LOC400499: variants seen among roughly 807,000 people sequenced by gnomAD.
chr16:11,440,015 C>T, the LOC400499 span, among the ~76,000 whole-genome samples: 9 of 152,048 alleles, frequency 5.9e-5, no homozygotes, highest in South Asian at 2.1e-4. Context: ...AGTAATTCAC[C>T]GAAGGTTACA....
chr16:11,475,535 G>C, the LOC400499 span: 3 of 397,402 alleles, frequency 7.5e-6, no homozygotes, highest in East Asian at 7.1e-5. Context: ...TAGGGCAGGA[G>C]AGCAACTCTG....
chr16:11,471,866 G>T, the LOC400499 span: 1 of 399,120 alleles, frequency 2.5e-6, no homozygotes, highest in East Asian at 3.6e-5. Flanking sequence ...GACTCAGAGG[G>T]CTCTGGGCAT....
the LOC400499 span, among the ~76,000 whole-genome samples, chr16:11,484,373 T>G: frequency 6.6e-6 from 1 of 152,164 alleles, no homozygotes; most frequent in East Asian, 1.9e-4. Context: ...ATAAGCTTTA[T>G]CATGGTGATG....
the LOC400499 span, chr16:11,446,576 A>G: frequency 2.0e-6 from 3 of 1,535,878 alleles, no homozygotes; most frequent in East Asian, 7.3e-5. Flanking sequence ...GTAACCAGGC[A>G]CCCCTCTGTG....
chr16:11,397,773 T>TGGAGGGATGGAG, the LOC400499 span, among the ~76,000 whole-genome samples: 1 of 34,700 alleles, frequency 2.9e-5, no homozygotes, highest in East Asian at 1.4e-3. Flanking sequence ...GAGGGAGGGA[T>TGGAGGGATGGAG]GGAGGGAGGG....
chr16:11,438,397 C>T, the LOC400499 span, among the ~76,000 whole-genome samples: 2 of 152,040 alleles, frequency 1.3e-5, no homozygotes, highest in African/African-American at 2.4e-5. Flanking sequence ...TAAGCAGTTC[C>T]CTCCATTCAG....
At chr16:11,449,799 G>A in the LOC400499 span, among the ~76,000 whole-genome samples, 2 of 152,200 alleles carry the variant, frequency 1.3e-5, no homozygotes, top group Non-Finnish European at 2.9e-5. Context: ...AGACCTCAGA[G>A]CCATTTATTT....
chr16:11,471,401 G>C, the LOC400499 span: 1 of 356,210 alleles, frequency 2.8e-6, no homozygotes, highest in East Asian at 4.2e-5. Flanking sequence ...GATGTGCTCT[G>C]GGGTAACCAA....
the LOC400499 span, among the ~76,000 whole-genome samples, chr16:11,461,694 G>A: frequency 6.6e-5 from 10 of 152,178 alleles, no homozygotes; most frequent in South Asian, 4.2e-4. Flanking sequence ...CACCCACATC[G>A]GGGGGTCCAC....
the LOC400499 span, among the ~76,000 whole-genome samples, chr16:11,517,457 G>A: frequency 6.6e-6 from 1 of 152,188 alleles, no homozygotes; most frequent in African/African-American, 2.4e-5. Flanking sequence ...CCACCAGGGA[G>A]GTAATTATCA....
At chr16:11,405,829 G>C in the LOC400499 span, among the ~76,000 whole-genome samples, 5 of 152,270 alleles carry the variant, frequency 3.3e-5, no homozygotes, top group Non-Finnish European at 7.3e-5. Flanking sequence ...AAGGCTTCTA[G>C]TAGCAGATAG....
At chr16:11,491,334 G>A in the LOC400499 span, among the ~76,000 whole-genome samples, 62 of 152,180 alleles carry the variant, frequency 4.1e-4, no homozygotes, top group South Asian at 6.4e-3. Context: ...TAGATTTGCC[G>A]ACGCCATCCC....
the LOC400499 span, among the ~76,000 whole-genome samples, chr16:11,493,374 T>C: frequency 6.6e-6 from 1 of 152,194 alleles, no homozygotes; most frequent in Non-Finnish European, 1.5e-5. Flanking sequence ...GGCCAGGTAG[T>C]GGCCCATGGC....
chr16:11,397,814 G>A, the LOC400499 span, among the ~76,000 whole-genome samples: 1 of 151,206 alleles, frequency 6.6e-6, no homozygotes, highest in Non-Finnish European at 1.5e-5. Flanking sequence ...ACGGACGGAT[G>A]AATGGATGCA....
the LOC400499 span, chr16:11,516,455 C>A: frequency 2.5e-6 from 1 of 397,642 alleles, no homozygotes; most frequent in East Asian, 3.6e-5. Context: ...ACTAGATAGC[C>A]TTTGTTCCCT....
chr16:11,481,991 A>C, the LOC400499 span, among the ~76,000 whole-genome samples: 1 of 152,228 alleles, frequency 6.6e-6, no homozygotes, highest in East Asian at 1.9e-4. Context: ...TCTTAAAAAA[A>C]AGAGTATGCG....
the LOC400499 span, chr16:11,442,171 C>T: frequency 3.3e-5 from 5 of 152,114 alleles, no homozygotes; most frequent in African/African-American, 1.2e-4. Context: ...AAATAAGGGT[C>T]CAAGACGAGA....
chr16:11,501,418 T>C, the LOC400499 span, among the ~76,000 whole-genome samples: 4 of 152,144 alleles, frequency 2.6e-5, no homozygotes, highest in Non-Finnish European at 5.9e-5. Flanking sequence ...AGTGCAGTGG[T>C]GCGATCACAC....
chr16:11,525,278 T>C, the LOC400499 span, among the ~76,000 whole-genome samples: 1 of 145,418 alleles, frequency 6.9e-6, no homozygotes, highest in African/African-American at 2.7e-5. Flanking sequence ...GGTAGCAGAG[T>C]TAAGACCTTG....
Sources: gnomAD v4.1 joint callset for allele counts (sites outside exome capture counted in the v4.1 genomes callset) on GRCh38, gnomAD v4.1.1 for gene constraint, MANE v1.5 for transcripts.